Variants in NLRP14 observed in about 807,000 individuals in gnomAD.
The protein encoded by NLRP14 is NACHT, LRR and PYD domains-containing protein 14.
A neutral mutation model predicts 94.7 loss-of-function variants in NLRP14; 105 were observed. The ratio of observed to expected loss-of-function variants is 1.11; its 90% CI spans 0.95 to 1.30. The LOEUF (loss-of-function observed/expected upper bound fraction) is 1.30. Among genes scored for constraint, NLRP14 ranks in the 50% most tolerant of loss-of-function variants. The probability of loss-of-function intolerance (pLI) is 0.00; values close to 1 mark genes in which losing one functional copy is unlikely to be tolerated. For synonymous variants in NLRP14, 508 were observed against 459.9 expected, an observed-to-expected ratio of 1.10 and a Z score of -1.34; for missense variants, 1,362 against 1,254.1, an observed-to-expected ratio of 1.09 and a Z score of -1.30.
At chr11:7,065,663 A>G (rs141900071) in intron 10 of NLRP14, among the ~76,000 whole-genome samples, 36 of 152,192 alleles carry the variant, frequency 2.4e-4, no homozygotes, top group Non-Finnish European at 3.8e-4. Context: ...CCAATTTATC[A>G]ATTTAAGGAA....
At chr11:7,052,081 T>G (rs1420988897) in intron 6 of NLRP14, among the ~76,000 whole-genome samples, 1 of 152,216 alleles carries the variant, frequency 6.6e-6, no homozygotes, top group Non-Finnish European at 1.5e-5. Flanking sequence ...GCTCTTAAAA[T>G]TTGCTGAGCA....
In NLRP14 at chr11:7,044,056, G is replaced by A. The variant is rs558842696; in HGVS notation, c.1958+72G>A. On this transcript the variant is annotated intron_variant, in intron 4 of 11. Coordinates refer to ENST00000299481, the MANE Select transcript of NLRP14 (RefSeq NM_176822.4). ...ACGTAGATATTTGTCAGAGGGAGGA[G>A]GCGTTTAGCTGAGGTCCCAGAGCTG... is the stretch of plus-strand genomic sequence containing the variant. The A allele has an allele frequency of 2.7e-5, 40 of 1,465,904 alleles. No homozygotes were observed. The East Asian group carries it at 6.6e-4, about 24-fold the overall frequency. The allele number at this position is 1,465,904 out of a possible 1,614,324, so 90.8% of individuals were successfully genotyped here.
In NLRP14 at chr11:7,057,875, G is replaced by C. The variant is rs769733078; in HGVS notation, c.2462+28G>C. Reference sequence around the variant, plus strand: ...GAGTGTTTCTGTTTTGTTTTCTGTAGAGTCATTTTGCTTGGTTCTGTGTAG... The same window carrying C: ...GAGTGTTTCTGTTTTGTTTTCTGTACAGTCATTTTGCTTGGTTCTGTGTAG... On this transcript the variant is annotated intron_variant, in intron 7 of 11. Coordinates refer to ENST00000299481, the MANE Select transcript of NLRP14 (RefSeq NM_176822.4). 37 of 1,594,642 alleles carry C rather than the reference G, an allele frequency of 2.3e-5. No homozygotes were observed. The East Asian group carries it at 5.6e-4, about 24-fold the overall frequency.
At chr11:7,037,469 G>A (rs751270064) in intron 1 of NLRP14, among the ~76,000 whole-genome samples, 13 of 152,098 alleles carry the variant, frequency 8.5e-5, no homozygotes, top group Non-Finnish European at 1.3e-4. Context: ...ACTGGAAAGG[G>A]CAGGAATTTT....
the NLRP14 span, chr11:7,090,007 G>A: frequency 9.9e-6 from 16 of 1,613,002 alleles, no homozygotes; most frequent in South Asian, 1.2e-4. Flanking sequence ...GCCCCAGGAC[G>A]GGGGACACCG....
the NLRP14 span, among the ~76,000 whole-genome samples, chr11:7,083,535 AGTCCCAC>A: frequency 4.6e-5 from 7 of 152,212 alleles, no homozygotes; most frequent in Non-Finnish European, 8.8e-5. Context: ...AGCCAGCATC[AGTCCCAC>A]CTACCAGCTT....
At chr11:7,044,364 T>C (rs1181402652) in intron 4 of NLRP14, among the ~76,000 whole-genome samples, 1 of 152,182 alleles carries the variant, frequency 6.6e-6, no homozygotes. Flanking sequence ...AAAGATAATG[T>C]CATCCAGAAT....
intron 9 of NLRP14, among the ~76,000 whole-genome samples, chr11:7,060,866 AAAG>A (rs1390830402): frequency 6.6e-6 from 1 of 152,062 alleles, no homozygotes; most frequent in African/African-American, 2.4e-5. Context: ...GAGAATAAAA[AAAG>A]AAATACATTG....
intron 4 of NLRP14, among the ~76,000 whole-genome samples, chr11:7,045,581 G>T (rs537015797): frequency 6.6e-6 from 1 of 152,134 alleles, no homozygotes; most frequent in Admixed American, 6.6e-5. Context: ...ATGCTTGAAA[G>T]AATAATTTAT....
chr11:7,041,092 G>C (rs1301557678), intron 3 of NLRP14, among the ~76,000 whole-genome samples: 1 of 152,138 alleles, frequency 6.6e-6, no homozygotes, highest in Admixed American at 6.5e-5. Context: ...TTTTCTCTGT[G>C]AGTATACCAA....
intron 1 of NLRP14, among the ~76,000 whole-genome samples, chr11:7,022,405 T>C (rs1361831506): frequency 6.6e-6 from 1 of 152,154 alleles, no homozygotes; most frequent in Non-Finnish European, 1.5e-5. Context: ...TAGCAAATAA[T>C]TGAAGAATCT....
At chr11:7,080,699 G>A in the NLRP14 span, among the ~76,000 whole-genome samples, 3 of 152,158 alleles carry the variant, frequency 2.0e-5, no homozygotes, top group Admixed American at 2.0e-4. Flanking sequence ...AATGTTATAT[G>A]TTAAACATTC....
At chr11:7,073,897 T>C (rs1313537754), downstream of NLRP14, among the ~76,000 whole-genome samples, 1 of 152,148 alleles carries the variant, frequency 6.6e-6, no homozygotes, top group African/African-American at 2.4e-5. Flanking sequence ...GTAGGCATGA[T>C]TGATTAAGTC....
At chr11:7,089,609 G>A in the NLRP14 span, 1 of 1,201,482 alleles carries the variant, frequency 8.3e-7, no homozygotes, top group Non-Finnish European at 1.0e-6. Flanking sequence ...CCCCCAAGAG[G>A]GCCGCGCCGT....
rs1276440817 is a variant in NLRP14 at position 7,043,372 on chromosome 11, G to A, written c.1346G>A (p.Arg449Lys). ...GTGTTTTACAGAGAAAATCTCAGAA[G>A]GCTTGGGTTAACTCAATCTGATGTC... ...TYVFYRENLR[R>K]LGLTQSDVSS... Residue 449 changes from arginine (R) to lysine (K), a missense_variant, in exon 4 of 12, where the codon AGG (arginine) becomes AAG (lysine). Coordinates refer to ENST00000299481, the MANE Select transcript of NLRP14 (RefSeq NM_176822.4). 3 of 1,614,054 alleles carry A rather than the reference G, an allele frequency of 1.9e-6. No homozygotes were observed. In the African/African-American group the frequency reaches 4.0e-5, roughly 22 times the overall value.
rs763844184 is a variant in NLRP14 at position 7,062,417 on chromosome 11, C to T, written c.2889C>T (p.Asp963=). The change falls in exon 10 of 12, where the codon GAC becomes GAT. Residue 963 remains aspartate (D), a synonymous_variant. Coordinates refer to ENST00000299481, the MANE Select transcript of NLRP14 (RefSeq NM_176822.4). ...ILNNPNLRSL[D]LGNNDLQDDG... ...ATAACCCAAACCTGAGGAGCCTGGA[C>T]CTTGGGAACAACGATTTGCAGGATG... The T allele has an allele frequency of 2.5e-6, 4 of 1,613,120 alleles. No individual in the cohort carries two copies. Among genetic ancestry groups the T allele is most frequent in the Non-Finnish European group, 2.5e-6 (3 of 1,179,350 alleles).
At chr11:7,056,504 T>C (rs1852516947) in intron 6 of NLRP14, among the ~76,000 whole-genome samples, 1 of 104,460 alleles carries the variant, frequency 9.6e-6, no homozygotes, top group Admixed American at 1.3e-4. Context: ...GAAATTCTAT[T>C]AGCACTAATA....
At chr11:7,078,439 A>AC in the NLRP14 span, among the ~76,000 whole-genome samples, 1 of 121,864 alleles carries the variant, frequency 8.2e-6, no homozygotes, top group Non-Finnish European at 1.6e-5. Flanking sequence ...CTCTGTCTCA[A>AC]AAAAAAAAAA....
the NLRP14 span, chr11:7,089,322 G>A: frequency 1.2e-6 from 2 of 1,607,402 alleles, no homozygotes; most frequent in African/African-American, 1.3e-5. Context: ...CGCCGCCAGA[G>A]ACATGAACGG....
Sources: gnomAD v4.1 joint callset for allele counts (sites outside exome capture counted in the v4.1 genomes callset) on GRCh38, gnomAD v4.1.1 for gene constraint, MANE v1.5 for transcripts, NCBI Gene and HGNC (gene_info 2026-07-23, HGNC 2026-07-21) for gene names.